GABRG3: variants seen among roughly 807,000 people sequenced by gnomAD.
GABRG3 encodes the protein gamma-aminobutyric acid receptor subunit gamma-3.
In GABRG3, 25 loss-of-function variants were observed where a neutral mutation model predicts 48.8. That is an observed-to-expected ratio of 0.51 (90% CI 0.37 to 0.72). GABRG3 has a LOEUF of 0.72. GABRG3 is among the 30% of genes least tolerant of loss of function. The probability of loss-of-function intolerance (pLI) is 0.00; values close to 1 mark genes in which losing one functional copy is unlikely to be tolerated. For synonymous variants in GABRG3, 227 were observed against 217.6 expected (o/e 1.04, Z -0.38); for missense variants, 394 against 577.9 (o/e 0.68, Z 3.26).
intron 3 of GABRG3, among the ~76,000 whole-genome samples, chr15:27,233,729 T>C (rs1022969624): frequency 6.6e-6 from 1 of 152,106 alleles, no homozygotes; most frequent in African/African-American, 2.4e-5. Context: ...GTGAACCCAC[T>C]ACATGAACAT....
At chr15:27,248,401 C>A (rs1246748687) in intron 3 of GABRG3, among the ~76,000 whole-genome samples, 5 of 152,142 alleles carry the variant, frequency 3.3e-5, no homozygotes, top group Non-Finnish European at 5.9e-5. Flanking sequence ...CTCTGTTGAC[C>A]TCTGGCCTCC....
At chr15:27,275,668 GA>G (rs1229762665) in intron 3 of GABRG3, among the ~76,000 whole-genome samples, 1 of 152,192 alleles carries the variant, frequency 6.6e-6, no homozygotes, top group African/African-American at 2.4e-5. Flanking sequence ...TGGCATGGGA[GA>G]AAATGTATCT....
At chr15:27,492,484 A>C (rs1890379753) in intron 6 of GABRG3, among the ~76,000 whole-genome samples, 1 of 152,150 alleles carries the variant, frequency 6.6e-6, no homozygotes, top group African/African-American at 2.4e-5. Flanking sequence ...ATCCGGGGCA[A>C]GTCTAAGGAG....
chr15:27,107,553 TA>T (rs1249951279), intron 3 of GABRG3, among the ~76,000 whole-genome samples: 1 of 152,158 alleles, frequency 6.6e-6, no homozygotes, highest in East Asian at 1.9e-4. Context: ...GCTGGCCTCA[TA>T]AAATTAACTG....
At chr15:27,477,332 A>G (rs1371638356) in intron 5 of GABRG3, among the ~76,000 whole-genome samples, 4 of 152,336 alleles carry the variant, frequency 2.6e-5, no homozygotes, top group Admixed American at 2.6e-4. Context: ...AAATAGCTAC[A>G]TACTATATGA....
chr15:26,971,529 C>A lies in GABRG3; in HGVS notation c.-7C>A, dbSNP rs551679536. 3.3e-6 allele frequency: 5 copies of A among 1,524,962 alleles called. No homozygotes were observed. The Admixed American group carries it at 6.1e-5, about 19-fold the overall frequency. 94.5% of individuals were successfully genotyped at this position (1,524,962 alleles called of 1,614,324 possible). ...CCCGGACCCTGCGCCCCGAGCTCCACGGCACCATGGCCCCGAAGCTGCTGC... is the reference window on the plus strand; with the variant it reads ...CCCGGACCCTGCGCCCCGAGCTCCAAGGCACCATGGCCCCGAAGCTGCTGC... On this transcript the variant is annotated 5_prime_UTR_variant, in exon 1 of 10. Transcript: ENST00000615808.
At chr15:27,462,859 T>A (rs1028831196) in intron 5 of GABRG3, among the ~76,000 whole-genome samples, 1 of 152,186 alleles carries the variant, frequency 6.6e-6, no homozygotes, top group African/African-American at 2.4e-5. Context: ...ATAAACAAAT[T>A]GAAATTTTTA....
chr15:27,032,134 C>T (rs1896097334), intron 3 of GABRG3, among the ~76,000 whole-genome samples: 1 of 152,156 alleles, frequency 6.6e-6, no homozygotes, highest in African/African-American at 2.4e-5. Context: ...TATGAAGTCA[C>T]TCTTCATCTC....
chr15:27,270,991 T>TAGG (rs1891066685), intron 3 of GABRG3, among the ~76,000 whole-genome samples: 1 of 152,112 alleles, frequency 6.6e-6, no homozygotes. Context: ...GAAGAAACAG[T>TAGG]AGAGGAAATT....
chr15:27,139,622 A>G (rs1396211053), intron 3 of GABRG3, among the ~76,000 whole-genome samples: 1 of 152,166 alleles, frequency 6.6e-6, no homozygotes, highest in Non-Finnish European at 1.5e-5. Context: ...ATTTTTTCCC[A>G]GAAATTCTAT....
chr15:27,068,229 G>T (rs1204878273), intron 3 of GABRG3, among the ~76,000 whole-genome samples: 1 of 152,242 alleles, frequency 6.6e-6, no homozygotes, highest in East Asian at 1.9e-4. Context: ...GGTGGAAGCT[G>T]CTGGCTGCGA....
intron 3 of GABRG3, among the ~76,000 whole-genome samples, chr15:27,308,508 CAT>C (rs906346315): frequency 8.4e-4 from 123 of 146,562 alleles, no homozygotes; most frequent in Non-Finnish European, 1.2e-3. Context: ...TTTATATAAA[CAT>C]AATGTAAACA....
intron 3 of GABRG3, among the ~76,000 whole-genome samples, chr15:27,232,309 C>T (rs1030160540): frequency 6.6e-6 from 1 of 152,132 alleles, no homozygotes; most frequent in Non-Finnish European, 1.5e-5. Flanking sequence ...AGAGAATGAA[C>T]ATGACTCATA....
At chr15:27,361,673 G>T (rs1169163749) in intron 5 of GABRG3, among the ~76,000 whole-genome samples, 1 of 152,118 alleles carries the variant, frequency 6.6e-6, no homozygotes, top group African/African-American at 2.4e-5. Context: ...AATGAGGGTG[G>T]GTGGTCAACA....
intron 3 of GABRG3, among the ~76,000 whole-genome samples, chr15:27,178,224 G>A (rs1194595048): frequency 6.6e-5 from 10 of 152,218 alleles, no homozygotes; most frequent in African/African-American, 2.4e-4. Flanking sequence ...GGAGTATTGT[G>A]TGGAAAGAGT....
chr15:27,442,415 A>AAT (rs1888817164), intron 5 of GABRG3, among the ~76,000 whole-genome samples: 1 of 152,210 alleles, frequency 6.6e-6, no homozygotes, highest in South Asian at 2.1e-4. Context: ...GGAGTGACAG[A>AAT]ATACACTCCT....
chr15:27,404,193 C>A (rs941688105), intron 5 of GABRG3, among the ~76,000 whole-genome samples: 20 of 152,274 alleles, frequency 1.3e-4, no homozygotes, highest in African/African-American at 4.8e-4. Context: ...TGCACTCTAG[C>A]CTGGGCGACA....
chr15:27,150,369 G>A (rs925392233), intron 3 of GABRG3, among the ~76,000 whole-genome samples: 2 of 152,006 alleles, frequency 1.3e-5, no homozygotes, highest in African/African-American at 4.8e-5. Context: ...TATTACTTTA[G>A]AATTAAAAAA....
In GABRG3 at chr15:27,534,705, G is replaced by A. The variant is rs1891510346; in HGVS notation, c.*1824G>A. The A allele has an allele frequency of 6.6e-6, 1 of 152,148 alleles. No homozygotes were observed. The highest frequency in any genetic ancestry group is 2.1e-4 in the South Asian group (1 of 4,818). 9.4% of individuals were successfully genotyped at this position (152,148 alleles called of 1,614,324 possible). ...TGTATACCAGACACAGAAGAGGATG[G>A]GAGCAGAAGAGGCCAGAAAAAGTGA... On this transcript the variant is annotated 3_prime_UTR_variant, in exon 10 of 10. Coordinates refer to ENST00000615808, the MANE Select transcript of GABRG3 (RefSeq NM_033223.5).
Sources: gnomAD v4.1 joint callset for allele counts (sites outside exome capture counted in the v4.1 genomes callset) on GRCh38, gnomAD v4.1.1 for gene constraint, MANE v1.5 for transcripts, NCBI Gene and HGNC (gene_info 2026-07-23, HGNC 2026-07-21) for gene names.